VWA8: variants seen among roughly 807,000 people sequenced by gnomAD.
VWA8 encodes von Willebrand factor A domain containing 8, also known as von Willebrand factor A domain-containing protein 8.
Under a neutral mutation model 241.5 loss-of-function variants are expected in VWA8, and 221 were observed. The observed-to-expected ratio is 0.91, with a 90% CI of 0.82 to 1.02. The LOEUF (loss-of-function observed/expected upper bound fraction) is 1.02. VWA8 is among the 50% of genes least tolerant of loss of function. VWA8 has a pLI of 0.00. For missense variants in VWA8, 2,322 were observed against 2,328.7 expected, an observed-to-expected ratio of 1.00 and a Z score of 0.06; for synonymous variants, 852 against 827.1, an observed-to-expected ratio of 1.03 and a Z score of -0.52.
rs576946310 is a variant in VWA8, at chr13:41,635,232, G to C, written c.4612-20148C>G. On this transcript the variant is annotated intron_variant, in intron 37 of 44. Transcript: ENST00000379310. ...CATTGGGATAGGGAATAGGAATAGG[G>C]AGATATTAAGTGTGTATCATATGTA... Among the ~76,000 whole-genome samples, 16 of 152,230 alleles carry C rather than the reference G, an allele frequency of 1.1e-4. No individual in the cohort carries two copies. In the South Asian group the frequency reaches 1.2e-3, roughly 12 times the overall value.
In VWA8 at chr13:41,630,653, G is replaced by A. The variant is rs554524856; in HGVS notation, c.4612-15569C>T. Among the ~76,000 whole-genome samples the A allele has an allele frequency of 2.3e-4, 35 of 151,912 alleles. 1 individual carries two copies. The highest frequency in any genetic ancestry group is 1.8e-3 in the Admixed American group (28 of 15,270). On this transcript the variant is annotated intron_variant, in intron 37 of 44. Coordinates refer to ENST00000379310, the MANE Select transcript of VWA8 (RefSeq NM_015058.2). ...TTTCTCACTGGAATGACCTTCTTCC[G>A]TAAGTGCTATTATCGTGCAACAAAA...
chr13:41,728,389 A>G (rs763099602), intron 23 of VWA8, among the ~76,000 whole-genome samples: 1 of 152,116 alleles, frequency 6.6e-6, no homozygotes, highest in Non-Finnish European at 1.5e-5. Context: ...TCATGAAACT[A>G]CATTCAAAAG....
At chr13:41,749,338 T>C (rs2045635660) in intron 21 of VWA8, among the ~76,000 whole-genome samples, 2 of 152,104 alleles carry the variant, frequency 1.3e-5, no homozygotes, top group South Asian at 4.2e-4. Context: ...ATGGTGATCA[T>C]TAAAAAGTCA....
chr13:41,907,776 G>T, intron 3 of VWA8, 80 bp from the exon 4 acceptor site: 4 of 1,235,684 alleles, frequency 3.2e-6, no homozygotes, highest in Non-Finnish European at 4.7e-6. Context: ...ATCTGACAAT[G>T]CCATTGCCCA....
intron 17 of VWA8, among the ~76,000 whole-genome samples, chr13:41,803,935 A>C (rs141997586): frequency 2.9e-4 from 44 of 152,368 alleles, no homozygotes; most frequent in Non-Finnish European, 2.9e-4. Context: ...AAATTGATCA[A>C]GCAAAAGAAA....
chr13:41,775,318 A>C (rs956646896), intron 20 of VWA8, among the ~76,000 whole-genome samples: 4 of 152,236 alleles, frequency 2.6e-5, no homozygotes, highest in Admixed American at 6.5e-5. Flanking sequence ...TTTTGATATG[A>C]AAAGGGTCAG....
chr13:41,671,101 C>T lies in VWA8; in HGVS notation c.4456G>A (p.Asp1486Asn). Residue 1486 changes from aspartate to asparagine, a missense_variant, in exon 37 of 45, where the codon GAC (aspartate) becomes AAC (asparagine). Coordinates refer to ENST00000379310, the MANE Select transcript of VWA8 (RefSeq NM_015058.2). ...CACTCAGCCAGCAGTGCATCTGTGT[C>T]TGAAATGGTCGACAGCCATGTGGTA... ...PYTTWLSTIS[D>N]TDALLAEWDK... is the part of the protein sequence containing the mutation. 2 of 1,613,912 alleles carry T rather than the reference C, an allele frequency of 1.2e-6. No homozygotes were observed. The highest frequency in any genetic ancestry group is 1.7e-6 in the Non-Finnish European group (2 of 1,179,856).
At chr13:41,785,744 CTG>C (rs1385356600) in intron 18 of VWA8, among the ~76,000 whole-genome samples, 1 of 152,030 alleles carries the variant, frequency 6.6e-6, no homozygotes, top group Non-Finnish European at 1.5e-5. Flanking sequence ...AGCTGTAACA[CTG>C]AGAGTTTACT....
chr13:41,931,855 C>G (rs1339963634), intron 2 of VWA8, among the ~76,000 whole-genome samples: 1 of 152,062 alleles, frequency 6.6e-6, no homozygotes, highest in Non-Finnish European at 1.5e-5. Flanking sequence ...ATTGCCTATC[C>G]TGAGAAAACT....
intron 43 of VWA8, among the ~76,000 whole-genome samples, chr13:41,574,240 A>ATCAATATACTCAATATAC (rs1247385912): frequency 1.3e-5 from 2 of 152,150 alleles, no homozygotes; most frequent in African/African-American, 2.4e-5. Flanking sequence ...AGGTTACAAA[A>ATCAATATACTCAATATAC]TCAATATACT....
chr13:41,841,354 C>T (rs1262422216), intron 12 of VWA8, among the ~76,000 whole-genome samples: 1 of 152,032 alleles, frequency 6.6e-6, no homozygotes, highest in Non-Finnish European at 1.5e-5. Flanking sequence ...CCAAACAGAC[C>T]CCAAATACAG....
intron 21 of VWA8, among the ~76,000 whole-genome samples, chr13:41,739,032 T>C (rs964668516): frequency 6.6e-6 from 1 of 152,200 alleles, no homozygotes; most frequent in African/African-American, 2.4e-5. Context: ...GACCACTTTT[T>C]CATGTTAGGA....
At chr13:41,744,141 C>G (rs940822682) in intron 21 of VWA8, among the ~76,000 whole-genome samples, 1 of 152,190 alleles carries the variant, frequency 6.6e-6, no homozygotes, top group African/African-American at 2.4e-5. Context: ...CATTCACGCT[C>G]CAGAACTCCC....
chr13:41,773,626 T>C (rs1868428475), intron 20 of VWA8, among the ~76,000 whole-genome samples: 1 of 152,126 alleles, frequency 6.6e-6, no homozygotes, highest in Non-Finnish European at 1.5e-5. Flanking sequence ...AGTCTAACCA[T>C]AGAATCTTGC....
chr13:41,888,276 T>C (rs566590789), intron 5 of VWA8, among the ~76,000 whole-genome samples: 1 of 152,306 alleles, frequency 6.6e-6, no homozygotes, highest in East Asian at 1.9e-4. Flanking sequence ...TTGACTAAAT[T>C]TGTGTGAATG....
At chr13:41,708,165 C>T (rs967137061) in intron 26 of VWA8, among the ~76,000 whole-genome samples, 1 of 152,028 alleles carries the variant, frequency 6.6e-6, no homozygotes, top group Non-Finnish European at 1.5e-5. Flanking sequence ...CGAGACCAGC[C>T]TGACCAACAT....
rs181332915 is a variant in VWA8 at position 41,720,937 on chromosome 13, C to T, written c.2964+433G>A. 5.5e-4 allele frequency among the ~76,000 whole-genome samples: 83 copies of T among 152,222 alleles called. 1 individual carries two copies. The highest frequency in any genetic ancestry group is 1.9e-3 in the Admixed American group (29 of 15,276). On this transcript the variant is annotated intron_variant, in intron 25 of 44. Coordinates refer to ENST00000379310, the MANE Select transcript of VWA8 (RefSeq NM_015058.2). ...TACTCTATCTTGTGAAACTTCCTTG[C>T]GGTATTTACAGGTATTTAATCAGTA...
At chr13:41,727,122 C>T in intron 24 of VWA8, 72 bp downstream of exon 24, 1 of 1,188,124 alleles carries the variant, frequency 8.4e-7, no homozygotes, top group Non-Finnish European at 1.2e-6. Flanking sequence ...CATTCAATGA[C>T]AGCCATTACA....
intron 21 of VWA8, among the ~76,000 whole-genome samples, chr13:41,736,715 T>C (rs904660072): frequency 2.6e-5 from 4 of 152,012 alleles, no homozygotes; most frequent in African/African-American, 9.7e-5. Context: ...TCTGTCTTTA[T>C]AGTTCATTAA....
Sources: gnomAD v4.1 joint callset for allele counts (sites outside exome capture counted in the v4.1 genomes callset) on GRCh38, gnomAD v4.1.1 for gene constraint, MANE v1.5 for transcripts, NCBI Gene and HGNC (gene_info 2026-07-23, HGNC 2026-07-21) for gene names.